The following NAPRT variants were observed in gnomAD, a reference collection of about 807,000 sequenced individuals.
The protein encoded by NAPRT is nicotinate phosphoribosyltransferase.
Under a neutral mutation model 60.7 loss-of-function variants are expected in NAPRT, and 66 were observed. The observed-to-expected ratio is 1.09, with a 90% CI of 0.89 to 1.33. The LOEUF is 1.33. Among genes scored for constraint, NAPRT ranks in the 40% most tolerant of loss-of-function variants. The probability of loss-of-function intolerance (pLI) is 0.00; values close to 1 mark genes in which losing one functional copy is unlikely to be tolerated. For missense variants in NAPRT, 818 were observed against 731.5 expected (o/e 1.12, Z -1.36); for synonymous variants, 405 against 335.7 (o/e 1.21, Z -2.26).
chr8:143,577,354 TG>T lies in NAPRT; in HGVS notation c.482del (p.Pro161GlnfsTer6). 6.2e-7 allele frequency: 1 copy of T among 1,607,744 alleles called. No homozygotes were observed. Among genetic ancestry groups the T allele is most frequent in the South Asian group, 1.1e-5 (1 of 90,032 alleles). ...GGCCCATCTCTAGCAGCCGCTTCTC[TG>T]GCCCTGCGATCAAGCGAAGCCGCGC... ...NAARLRLIAG[P>X]EKRLLEMGLR... On this transcript the variant is annotated frameshift_variant, in exon 4 of 13. Coordinates refer to ENST00000449291, the MANE Select transcript of NAPRT (RefSeq NM_145201.6). LOFTEE classifies it high-confidence loss of function.
rs774003156 is a variant in NAPRT, at chr8:143,577,918, C to T, written c.252G>A (p.Leu84=). Reference sequence around the variant, plus strand: ...AGAACGCAGGATCCGTGTCTGGGGGCAGCACCGAGGCCAGGAACTGCACGT... The same window carrying T: ...AGAACGCAGGATCCGTGTCTGGGGGTAGCACCGAGGCCAGGAACTGCACGT... ...DADVQFLASV[L]PPDTDPAFFE... is the part of the protein sequence containing the mutation. The change falls in exon 2 of 13, where the codon CTG becomes CTA. Residue 84 remains leucine, a synonymous_variant. Transcript: ENST00000449291. 4.3e-6 allele frequency: 7 copies of T among 1,611,496 alleles called. No individual in the cohort carries two copies. The highest frequency in any genetic ancestry group is 1.1e-5 in the South Asian group (1 of 91,016).
chr8:143,577,594 C>A, intron 3 of NAPRT, 63 bp downstream of exon 3: 1 of 1,523,150 alleles, frequency 6.6e-7, no homozygotes, highest in African/African-American at 1.4e-5. Context: ...CAGTCCAGCA[C>A]GGAGCCCCGG....
At position 143,577,888 on chromosome 8, in the gene NAPRT, C is replaced by A; in HGVS notation, c.282G>T (p.Glu94Asp). Reference protein sequence around the residue: ...LPPDTDPAFFEHLRALDCSEV... With the variant: ...LPPDTDPAFFDHLRALDCSEV... ...CGGAGCAGTCGAGGGCCCGAAGGTGCTCGAAGAACGCAGGATCCGTGTCTG... is the reference window on the plus strand; with the variant it reads ...CGGAGCAGTCGAGGGCCCGAAGGTGATCGAAGAACGCAGGATCCGTGTCTG... Residue 94 changes from glutamate (E) to aspartate (D), a missense_variant, in exon 2 of 13, where the codon GAG becomes GAT. Glu to Asp is a conservative substitution (Grantham distance 45). Coordinates refer to ENST00000449291, the MANE Select transcript of NAPRT (RefSeq NM_145201.6). 6.2e-7 allele frequency: 1 copy of A among 1,612,330 alleles called. No homozygotes were observed. Among genetic ancestry groups the A allele is most frequent in the Non-Finnish European group, 8.5e-7 (1 of 1,179,752 alleles).
chr8:143,577,526 T>C, intron 3 of NAPRT, 127 bp from the exon 4 acceptor site: 2 of 1,448,646 alleles, frequency 1.4e-6, no homozygotes, highest in Non-Finnish European at 1.9e-6. Flanking sequence ...CCTTACACCC[T>C]GAAGAGTGGG....
downstream of NAPRT, chr8:143,573,776 T>C (rs1563926168): frequency 6.6e-6 from 1 of 152,308 alleles, no homozygotes; most frequent in South Asian, 2.1e-4. Flanking sequence ...CCAATGTGTG[T>C]GAGTCTGTAT....
At chr8:143,575,559 T>C (rs1824381316) in intron 9 of NAPRT, 34 bp from the exon 10 acceptor site, 4 of 1,592,364 alleles carry the variant, frequency 2.5e-6, no homozygotes, top group Non-Finnish European at 2.6e-6. Flanking sequence ...GGCTGGTCCT[T>C]ATCCCCCACC....
In NAPRT at chr8:143,576,851, CAG is replaced by C; in HGVS notation, c.685-11_685-10del. 1 of 1,590,370 alleles carries C rather than the reference CAG, an allele frequency of 6.3e-7. No homozygotes were observed. Reference sequence around the variant, plus strand: ...GCTGCTGGCGCCAACATCTGTGGAACAGAGTCGGTGAAGAATGGGGGCCAGGA... The same window carrying C: ...GCTGCTGGCGCCAACATCTGTGGAACAGTCGGTGAAGAATGGGGGCCAGGA... On this transcript the variant is annotated splice_polypyrimidine_tract_variant and intron_variant, in intron 5 of 12. Transcript: ENST00000449291.
Position 143,576,643 on chromosome 8 carries a change from C to T in NAPRT, c.881+3G>A, listed in dbSNP as rs1278184887. ...AGCCCACCCCTAAAGTGCCCGGGCT[C>T]ACCTCCACACGCTGTAGGTGTCCAG... On this transcript the variant is annotated splice_donor_region_variant and intron_variant, in intron 6 of 12. Transcript: ENST00000449291. 1 of 1,606,728 alleles carries T rather than the reference C, an allele frequency of 6.2e-7. No homozygotes were observed. The highest frequency in any genetic ancestry group is 8.5e-7 in the Non-Finnish European group (1 of 1,175,740).
rs149178575 is a variant in NAPRT, at chr8:143,575,235, C to T, written c.1402G>A (p.Ala468Thr). The T allele has an allele frequency of 1.9e-5, 31 of 1,612,028 alleles. No individual in the cohort carries two copies. The highest frequency in any genetic ancestry group is 3.3e-5 in the South Asian group (3 of 91,050). The change falls in exon 11 of 13, where the codon GCC becomes ACC. Residue 468 changes from alanine (A) to threonine (T), a missense_variant. By Grantham distance (58) the Ala-to-Thr change is moderately conservative. Coordinates refer to ENST00000449291, the MANE Select transcript of NAPRT (RefSeq NM_145201.6). The part of the protein sequence containing the change: ...GAQEPCTVRP[A>T]QVEPLLRLCL... ...AGCCGCAGTAGTGGCTCCACCTGGG[C>T]TGGCCTCACGGTGCAGGGCTCCTGG...
chr8:143,576,411 C>T (rs1002946427), intron 7 of NAPRT, 21 bp downstream of exon 7: 4 of 1,589,902 alleles, frequency 2.5e-6, no homozygotes, highest in Admixed American at 1.7e-5. Context: ...ACCAGGCACA[C>T]CTCCTCCCCG....
chr8:143,578,159 A>G lies in NAPRT; in HGVS notation c.160T>C (p.Phe54Leu). ...TCGCGCAAGCCGGCGGCCAAGGCGA[A>G]GGCGCCGCCGAACGGGCAGCGGCGG... ...FFRRCPFGGA[F>L]ALAAGLRDCV... The change falls in exon 1 of 13, where the codon TTC (phenylalanine) becomes CTC (leucine). Residue 54 changes from phenylalanine (F) to leucine (L), a missense_variant. Transcript: ENST00000449291. 1 of 1,519,504 alleles carries G rather than the reference A, an allele frequency of 6.6e-7. No homozygotes were observed. Among genetic ancestry groups the G allele is most frequent in the African/African-American group, 1.4e-5 (1 of 70,008 alleles). The allele number at this position is 1,519,504 out of a possible 1,614,324, so 94.1% of individuals were successfully genotyped here. A position where few individuals can be genotyped will look rare whatever the true frequency, so the allele number is the denominator to read the frequency against.
Position 143,576,156 on chromosome 8 carries a change from C to T in NAPRT, c.1029G>A (p.Gln343=), listed in dbSNP as rs776279398. The T allele has an allele frequency of 6.3e-7, 1 of 1,598,056 alleles. No homozygotes were observed. The highest frequency in any genetic ancestry group is 1.1e-5 in the South Asian group (1 of 90,060). ...KVFRAAAAQF[Q]VPWLESVLIV... ...TGAGGACTGACTCCAGCCAGGGCAC[C>T]TGGAACCTGCCGCGTGGGTGGAGAA... Residue 343 remains glutamine (Q), a synonymous_variant, in exon 8 of 13, where the codon CAG becomes CAA. Transcript: ENST00000449291.
downstream of NAPRT, chr8:143,574,717 CAGCCGCAGCCCGGG>C: frequency 8.1e-7 from 1 of 1,234,732 alleles, no homozygotes; most frequent in South Asian, 1.3e-5. Flanking sequence ...GACTCCAGCC[CAGCCGCAGCCCGGG>C]AGGCGCAGCC....
chr8:143,575,748 G>C (rs1824400546), intron 8 of NAPRT, 46 bp from the exon 9 acceptor site: 1 of 1,379,870 alleles, frequency 7.2e-7, no homozygotes, highest in Non-Finnish European at 9.9e-7. Context: ...CCCTGGGTGG[G>C]GAAGGGGGTG....
At position 143,577,105 on chromosome 8, in the gene NAPRT, G is replaced by C; in HGVS notation, c.641C>G (p.Ser214Cys). 1.2e-6 allele frequency: 2 copies of C among 1,613,016 alleles called. No individual in the cohort carries two copies. The highest frequency in any genetic ancestry group is 1.7e-6 in the Non-Finnish European group (2 of 1,179,934). ...GCTGCCTGAAAAGGAAGTGACGAAGGAGTGGGCCAGGGTCCCGGCCACCGG... is the reference window on the plus strand; with the variant it reads ...GCTGCCTGAAAAGGAAGTGACGAAGCAGTGGGCCAGGGTCCCGGCCACCGG... ...GVPVAGTLAHSFVTSFSGSEV... is the reference protein window; with the variant it reads ...GVPVAGTLAHCFVTSFSGSEV... Residue 214 changes from serine to cysteine, a missense_variant, in exon 5 of 13, where the codon TCC becomes TGC. Coordinates refer to ENST00000449291, the MANE Select transcript of NAPRT (RefSeq NM_145201.6).
chr8:143,574,576 C>T (rs1422938679), downstream of NAPRT: 2 of 599,552 alleles, frequency 3.3e-6, no homozygotes, highest in African/African-American at 1.9e-5. Context: ...ATCTGACTCC[C>T]CACAGCCTAC....
chr8:143,575,671 G>GTGCCAA lies in NAPRT; in HGVS notation c.1133_1138dup (p.Ile378_Gly379dup). On this transcript the variant is annotated inframe_insertion, in exon 9 of 13. Coordinates refer to ENST00000449291, the MANE Select transcript of NAPRT (RefSeq NM_145201.6). Reference sequence around the variant, plus strand: ...CTGTTGGGGGCAGGTGACCACACTGGTGCCAATGCCAATGACATTCACCTC... The same window carrying GTGCCAA: ...CTGTTGGGGGCAGGTGACCACACTGGTGCCAATGCCAATGCCAATGACATTCACCTC... The GTGCCAA allele has an allele frequency of 6.3e-7, 1 of 1,594,928 alleles. No homozygotes were observed. The highest frequency in any genetic ancestry group is 8.5e-7 in the Non-Finnish European group (1 of 1,171,740).
At chr8:143,574,216 T>G (rs1824258051), downstream of NAPRT, among the ~76,000 whole-genome samples, 1 of 152,232 alleles carries the variant, frequency 6.6e-6, no homozygotes, top group Admixed American at 6.5e-5. Context: ...GAGCTTCAAC[T>G]TCTTCCCCAT....
In NAPRT at chr8:143,574,809, G is replaced by T. The variant is rs1162213726; in HGVS notation, c.*29C>A. The T allele has an allele frequency of 6.4e-7, 1 of 1,550,484 alleles. No homozygotes were observed. Among genetic ancestry groups the T allele is most frequent in the South Asian group, 1.2e-5 (1 of 84,064 alleles). ...CTGTGGGGAAAAGTGAGTGATTCGT[G>T]TTGTTTCCAGTCAGCCCCGCTCCGA... is the stretch of plus-strand genomic sequence containing the variant. On this transcript the variant is annotated 3_prime_UTR_variant, in exon 13 of 13. Coordinates refer to ENST00000449291, the MANE Select transcript of NAPRT (RefSeq NM_145201.6).
Sources: gnomAD v4.1 joint callset for allele counts (sites outside exome capture counted in the v4.1 genomes callset) on GRCh38, gnomAD v4.1.1 for gene constraint, MANE v1.5 for transcripts, NCBI Gene and HGNC (gene_info 2026-07-23, HGNC 2026-07-21) for gene names.